GPHN: variants seen among roughly 807,000 people sequenced by gnomAD.
GPHN encodes gephyrin.
A neutral mutation model predicts 95.5 loss-of-function variants in GPHN; 17 were observed. That is an observed-to-expected ratio of 0.18 (90% CI 0.12 to 0.27). The LOEUF is 0.27. GPHN is among the 10% of genes least tolerant of loss of function. GPHN has a pLI of 1.00. For missense variants in GPHN, 660 were observed against 978.1 expected (o/e 0.67, Z 4.34); for synonymous variants, 320 against 322.5 (o/e 0.99, Z 0.08).
the GPHN span, chr14:67,650,829 A>G: frequency 2.8e-5 from 45 of 1,614,208 alleles, no homozygotes; most frequent in Non-Finnish European, 3.7e-5. Context: ...AGCTTTGGTC[A>G]GACAAGAGAA....
chr14:67,726,879 A>T, the GPHN span: 5 of 1,042,888 alleles, frequency 4.8e-6, no homozygotes, highest in Non-Finnish European at 7.3e-6. Context: ...ATTGGTTCAC[A>T]CCCAGAAGAT....
At chr14:67,469,397 C>A in the GPHN span, among the ~76,000 whole-genome samples, 2 of 150,594 alleles carry the variant, frequency 1.3e-5, no homozygotes, top group African/African-American at 4.9e-5. Context: ...CTGATTCAGG[C>A]TCCTGAGTAT....
chr14:67,517,388 C>T, the GPHN span, among the ~76,000 whole-genome samples: 63,348 of 151,848 alleles, frequency 0.42, 13,759 homozygotes, highest in East Asian at 0.48. Context: ...GCACGGTAGG[C>T]GCCGGGCTCA....
the GPHN span, chr14:67,350,471 G>A: frequency 7.1e-5 from 44 of 623,578 alleles, no homozygotes; most frequent in Admixed American, 2.1e-4. Flanking sequence ...AAGGTGATGG[G>A]GTTAAAAGAA....
chr14:66,702,114 GC>G (rs984757992), intron 2 of GPHN, among the ~76,000 whole-genome samples: 1 of 152,186 alleles, frequency 6.6e-6, no homozygotes, highest in African/African-American at 2.4e-5. Flanking sequence ...AAAAACTCCA[GC>G]CAGAGGCTCA....
At chr14:66,972,662 T>C (rs990046705) in intron 9 of GPHN, among the ~76,000 whole-genome samples, 9 of 151,736 alleles carry the variant, frequency 5.9e-5, no homozygotes, top group African/African-American at 2.2e-4. Context: ...TTTAATTAAT[T>C]AAATTTAATT....
chr14:66,534,266 C>A (rs1036309881), intron 1 of GPHN, among the ~76,000 whole-genome samples: 6 of 152,142 alleles, frequency 3.9e-5, no homozygotes, highest in African/African-American at 4.8e-5. Flanking sequence ...AGAAGCCTCT[C>A]CTTCATGGTT....
the GPHN span, chr14:67,651,432 C>T: frequency 2.0e-4 from 316 of 1,613,816 alleles, no homozygotes; most frequent in Non-Finnish European, 2.4e-4. Flanking sequence ...CCCAGGATGG[C>T]GAGCTCCAGT....
chr14:67,566,931 G>GAAGGTATTAAGGGGATT, the GPHN span, among the ~76,000 whole-genome samples: 3 of 152,134 alleles, frequency 2.0e-5, no homozygotes, highest in East Asian at 1.9e-4. Context: ...CTCTGGTGAT[G>GAAGGTATTAAGGGGATT]AAGGTATTAA....
chr14:67,030,272 A>G (rs770836623), intron 10 of GPHN, among the ~76,000 whole-genome samples: 3 of 152,174 alleles, frequency 2.0e-5, no homozygotes, highest in Non-Finnish European at 2.9e-5. Flanking sequence ...CCATATTTCA[A>G]GGAGTAACAT....
chr14:67,107,792 G>A (rs924037556), intron 13 of GPHN, among the ~76,000 whole-genome samples: 1 of 152,156 alleles, frequency 6.6e-6, no homozygotes, highest in Non-Finnish European at 1.5e-5. Flanking sequence ...CAACTCCCCA[G>A]AGAGGGGGGT....
the GPHN span, among the ~76,000 whole-genome samples, chr14:67,453,917 T>C: frequency 6.6e-6 from 1 of 152,176 alleles, no homozygotes; most frequent in Non-Finnish European, 1.5e-5. Context: ...AGCTTTCTCA[T>C]CTGAAAATGG....
At chr14:67,440,465 A>T in the GPHN span, among the ~76,000 whole-genome samples, 1 of 152,122 alleles carries the variant, frequency 6.6e-6, no homozygotes, top group Non-Finnish European at 1.5e-5. Context: ...TGGCCAGGGC[A>T]TAAAAGCCAC....
At chr14:66,911,406 GGGTAAGTTGTAT>G (rs1227143167) in intron 5 of GPHN, among the ~76,000 whole-genome samples, 1 of 151,948 alleles carries the variant, frequency 6.6e-6, no homozygotes, top group Admixed American at 6.6e-5. Context: ...TCCTTTAAAT[GGGTAAGTTGTAT>G]GGTATATGAA....
chr14:66,607,761 C>G (rs1275750381), intron 1 of GPHN, among the ~76,000 whole-genome samples: 1 of 151,668 alleles, frequency 6.6e-6, no homozygotes, highest in Non-Finnish European at 1.5e-5. Flanking sequence ...TTTATTTCCT[C>G]TAGATTTCTT....
the GPHN span, among the ~76,000 whole-genome samples, chr14:67,438,860 C>CAAAA: frequency 1.3e-4 from 7 of 55,990 alleles, no homozygotes; most frequent in South Asian, 7.5e-4. Flanking sequence ...GACTCCGTCT[C>CAAAA]AAAAAAAAAA....
At chr14:66,837,614 A>AAT (rs2061898384) in intron 4 of GPHN, among the ~76,000 whole-genome samples, 1 of 144,508 alleles carries the variant, frequency 6.9e-6, no homozygotes, top group South Asian at 2.2e-4. Flanking sequence ...TAAATAAATA[A>AAT]AAATAAATAA....
chr14:66,641,816 C>T (rs747532554), intron 1 of GPHN, among the ~76,000 whole-genome samples: 9 of 151,980 alleles, frequency 5.9e-5, no homozygotes, highest in Non-Finnish European at 1.0e-4. Context: ...GGATATAGAT[C>T]AATAGGTATA....
At chr14:66,989,216 TC>T (rs146172497) in intron 9 of GPHN, among the ~76,000 whole-genome samples, 228 of 151,994 alleles carry the variant, frequency 1.5e-3, no homozygotes, top group African/African-American at 5.2e-3. Flanking sequence ...CCATAATCAC[TC>T]CCCAAAACCT....
Sources: gnomAD v4.1 joint callset for allele counts (sites outside exome capture counted in the v4.1 genomes callset) on GRCh38, gnomAD v4.1.1 for gene constraint, MANE v1.5 for transcripts, NCBI Gene and HGNC (gene_info 2026-07-23, HGNC 2026-07-21) for gene names.